CLCN6: variants seen among roughly 807,000 people sequenced by gnomAD.
CLCN6 encodes H(+)/Cl(-) exchange transporter 6.
In CLCN6, 70 loss-of-function variants were observed where a neutral mutation model predicts 109.8. That is an observed-to-expected ratio of 0.64 (90% CI 0.53 to 0.78). The LOEUF (loss-of-function observed/expected upper bound fraction) is 0.78, where lower values mean the gene tolerates loss of function less well. Ranked by LOEUF, CLCN6 falls within the 30% of genes least tolerant of loss-of-function variation. CLCN6 has a pLI of 0.00. For missense variants in CLCN6, 984 were observed against 1,142.3 expected, an observed-to-expected ratio of 0.86 and a Z score of 2.00; for synonymous variants, 444 against 447.8, an observed-to-expected ratio of 0.99 and a Z score of 0.11.
chr1:11,809,894 G>C (rs1338472574), intron 2 of CLCN6, among the ~76,000 whole-genome samples: 1 of 152,116 alleles, frequency 6.6e-6, no homozygotes, highest in Non-Finnish European at 1.5e-5. Flanking sequence ...AGAAAAGTCT[G>C]GATTTTATTT....
intron 17 of CLCN6, among the ~76,000 whole-genome samples, chr1:11,835,321 G>A (rs1445290013): frequency 6.6e-6 from 1 of 152,182 alleles, no homozygotes; most frequent in Non-Finnish European, 1.5e-5. Flanking sequence ...CGCCTAGGCT[G>A]GAGTAGGGTG....
chr1:11,826,094 G>T, intron 8 of CLCN6, 62 bp from the exon 9 acceptor site: 5 of 1,169,616 alleles, frequency 4.3e-6, no homozygotes, highest in Admixed American at 3.9e-5. Context: ...AATTACTGGG[G>T]TACAGGTAGT....
rs201529571 is a variant in CLCN6 at position 11,833,511 on chromosome 1, T to G, written c.1249-4T>G. 2 of 1,613,792 alleles carry G rather than the reference T, an allele frequency of 1.2e-6. No individual in the cohort carries two copies. Among genetic ancestry groups the G allele is most frequent in the East Asian group, 2.2e-5 (1 of 44,880 alleles). On this transcript the variant is annotated splice_polypyrimidine_tract_variant and splice_region_variant and intron_variant, in intron 13 of 22. Transcript: ENST00000346436. The stretch of plus-strand genomic sequence containing the variant: ...GTACTGATTTTCTGATTCCTTCTTC[T>G]CAGGTCACAGAAGATGTGAATTCAA...
At chr1:11,829,690 G>C (rs958057322) in intron 13 of CLCN6, among the ~76,000 whole-genome samples, 1 of 137,168 alleles carries the variant, frequency 7.3e-6, no homozygotes, top group Non-Finnish European at 1.6e-5. Flanking sequence ...GGGAACCTGG[G>C]AACAACCCTG....
intron 1 of CLCN6, 120 bp downstream of exon 1, chr1:11,806,469 G>T: frequency 1.1e-6 from 1 of 876,818 alleles, no homozygotes; most frequent in Non-Finnish European, 1.6e-6. Flanking sequence ...GGGGCCTGGG[G>T]ACCGCAGCCA....
At chr1:11,813,037 T>A (rs895578615) in intron 2 of CLCN6, among the ~76,000 whole-genome samples, 2 of 152,332 alleles carry the variant, frequency 1.3e-5, no homozygotes, top group Middle Eastern at 3.4e-3. Flanking sequence ...CAAGATGATA[T>A]CTGCTTCCCA....
intron 2 of CLCN6, among the ~76,000 whole-genome samples, chr1:11,808,227 T>TGTG (rs1644548460): frequency 3.6e-5 from 5 of 139,160 alleles, no homozygotes; most frequent in African/African-American, 8.1e-5. Context: ...GTGTGTGTGT[T>TGTG]TGTGTGTGTG....
At chr1:11,813,593 G>A (rs1299055824) in intron 2 of CLCN6, among the ~76,000 whole-genome samples, 1 of 152,144 alleles carries the variant, frequency 6.6e-6, no homozygotes, top group Admixed American at 6.5e-5. Flanking sequence ...GTTTCGCCAT[G>A]TTGGCCGGGC....
chr1:11,822,759 C>G lies in CLCN6; in HGVS notation c.411C>G (p.Asn137Lys). Reference protein sequence around the residue: ...ALSLLELLGFNLTFVFLASLL... With the variant: ...ALSLLELLGFKLTFVFLASLL... ...CTCTCCTTGAACTCCTGGGTTTTAA[C>G]CTCACCTTTGTCTTCCTGGCAAGCC... The change falls in exon 6 of 23, where the codon AAC becomes AAG. Residue 137 changes from asparagine to lysine, a missense_variant. Physicochemically the swap from Asn to Lys is moderately conservative, Grantham distance 94. Coordinates refer to ENST00000346436, the MANE Select transcript of CLCN6 (RefSeq NM_001286.5). 6.2e-7 allele frequency: 1 copy of G among 1,614,076 alleles called. No homozygotes were observed. The highest frequency in any genetic ancestry group is 1.3e-5 in the African/African-American group (1 of 75,038).
At chr1:11,835,447 A>AT (rs539594969) in intron 17 of CLCN6, among the ~76,000 whole-genome samples, 21 of 151,780 alleles carry the variant, frequency 1.4e-4, no homozygotes, top group East Asian at 9.7e-4. Flanking sequence ...AATTTTTAAC[A>AT]TTTTTTTTAT....
At chr1:11,835,082 C>T (rs1210045269) in intron 17 of CLCN6, among the ~76,000 whole-genome samples, 7 of 152,182 alleles carry the variant, frequency 4.6e-5, no homozygotes, top group Admixed American at 1.3e-4. Flanking sequence ...ACACGGGGGC[C>T]AGCAAGCCGT....
At chr1:11,838,870 C>G in intron 22 of CLCN6, 1 of 753,856 alleles carries the variant, frequency 1.3e-6, no homozygotes, top group Non-Finnish European at 2.4e-6. Context: ...TCCCACTGGC[C>G]GTCCTTTCCA....
At chr1:11,828,982 A>T (rs545182514) in intron 12 of CLCN6, among the ~76,000 whole-genome samples, 1 of 152,348 alleles carries the variant, frequency 6.6e-6, no homozygotes, top group Admixed American at 6.5e-5. Context: ...GATGATGTGG[A>T]CGTAGCAGCC....
intron 22 of CLCN6, among the ~76,000 whole-genome samples, chr1:11,839,887 G>A (rs1055324295): frequency 2.0e-5 from 3 of 152,230 alleles, no homozygotes; most frequent in African/African-American, 7.2e-5. Flanking sequence ...GGAGCTGAGC[G>A]CTGAGCATGT....
In CLCN6 at chr1:11,806,368, C is replaced by T; in HGVS notation, c.87+19C>T. The T allele has an allele frequency of 7.3e-6, 11 of 1,498,446 alleles. No homozygotes were observed. Among genetic ancestry groups the T allele is most frequent in the Non-Finnish European group, 8.8e-6 (10 of 1,135,810 alleles). 92.8% of individuals were successfully genotyped at this position (1,498,446 alleles called of 1,614,324 possible). On this transcript the variant is annotated intron_variant, in intron 1 of 22. Coordinates refer to ENST00000346436, the MANE Select transcript of CLCN6 (RefSeq NM_001286.5). ...GGAGCTGGTAAGAAGCCGGCGGAGT[C>T]GGCCTGGGGAGGGGGCGGTTGCTAA... is the stretch of plus-strand genomic sequence containing the variant.
In CLCN6 at chr1:11,838,703, C is replaced by T. The variant is rs762477405; in HGVS notation, c.2529+43C>T. On this transcript the variant is annotated intron_variant, in intron 22 of 22. Coordinates refer to ENST00000346436, the MANE Select transcript of CLCN6 (RefSeq NM_001286.5). The stretch of plus-strand genomic sequence containing the variant: ...CCTGCCCCCACCTTTGAGAGAGGAT[C>T]CCCTAGCCAGGTGCTGTTTGTGCAC... 6 of 1,613,932 alleles carry T rather than the reference C, an allele frequency of 3.7e-6. No homozygotes were observed. In the African/African-American group the frequency reaches 5.3e-5, roughly 14 times the overall value.
At chr1:11,823,484 A>T (rs1192967634) in intron 6 of CLCN6, among the ~76,000 whole-genome samples, 16 of 151,830 alleles carry the variant, frequency 1.1e-4, no homozygotes, top group Non-Finnish European at 2.2e-4. Flanking sequence ...CCTCAAAAAA[A>T]AAAAAGAAAA....
In CLCN6 at chr1:11,828,483, A is replaced by G; in HGVS notation, c.980A>G (p.His327Arg). Residue 327 changes from histidine (H) to arginine (R), a missense_variant, in exon 12 of 23, where the codon CAT becomes CGT. By Grantham distance (29) the His-to-Arg change is conservative (BLOSUM62 0). Coordinates refer to ENST00000346436, the MANE Select transcript of CLCN6 (RefSeq NM_001286.5). ...FKCSDSDKKC[H>R]LWTAMDLGFF... ...TGCTCTGACTCTGATAAAAAATGTC[A>G]TCTCTGGACAGCTATGGATTTGGGT... 1 of 1,613,954 alleles carries G rather than the reference A, an allele frequency of 6.2e-7. No individual in the cohort carries two copies. The highest frequency in any genetic ancestry group is 1.1e-5 in the South Asian group (1 of 91,068).
In CLCN6 at chr1:11,824,475, A is replaced by T; in HGVS notation, c.581-11A>T. ...ACTGACTGTTGGTCTTTCCTTTTTC[A>T]CCCTGCCCAGGGCTCTTCGTGGAGA... On this transcript the variant is annotated splice_polypyrimidine_tract_variant and intron_variant, in intron 7 of 22. Transcript: ENST00000346436. 2 of 1,609,014 alleles carry T rather than the reference A, an allele frequency of 1.2e-6. No homozygotes were observed. Among genetic ancestry groups the T allele is most frequent in the South Asian group, 1.1e-5 (1 of 90,448 alleles).
Sources: allele counts gnomAD v4.1 joint callset (sites outside exome capture counted in the v4.1 genomes callset), GRCh38; gene constraint gnomAD v4.1.1; transcripts MANE v1.5; gene names NCBI Gene and HGNC (gene_info 2026-07-23, HGNC 2026-07-21).